ARHGAP15: variants seen among roughly 807,000 people sequenced by gnomAD.
ARHGAP15 encodes the protein Rho GTPase activating protein 15.
ARHGAP15 carries 51 observed loss-of-function variants against 63.7 expected under a neutral mutation model. The observed-to-expected ratio is 0.80, with a 90% confidence interval of 0.64 to 1.01. The LOEUF (loss-of-function observed/expected upper bound fraction) is 1.01, where lower values mean the gene tolerates loss of function less well. Among genes scored for constraint, ARHGAP15 ranks in the 50% least tolerant of loss-of-function variants. The probability of loss-of-function intolerance (pLI) is 0.00; values close to 1 mark genes in which losing one functional copy is unlikely to be tolerated. For missense variants in ARHGAP15, 560 were observed against 564.6 expected (o/e 0.99, Z 0.08); for synonymous variants, 191 against 193.8 (o/e 0.99, Z 0.12).
intron 8 of ARHGAP15, among the ~76,000 whole-genome samples, chr2:143,477,485 A>T (rs1462931213): frequency 1.3e-5 from 2 of 152,148 alleles, no homozygotes; most frequent in Non-Finnish European, 2.9e-5. Context: ...TGTATTATAC[A>T]TTAGACATTG....
intron 6 of ARHGAP15, among the ~76,000 whole-genome samples, chr2:143,359,299 T>C (rs1164566244): frequency 6.6e-6 from 1 of 152,178 alleles, no homozygotes; most frequent in African/African-American, 2.4e-5. Flanking sequence ...TTACTCCATC[T>C]TGCAACATCT....
intron 5 of ARHGAP15, among the ~76,000 whole-genome samples, chr2:143,240,786 T>C (rs1693833285): frequency 1.3e-5 from 2 of 152,246 alleles, no homozygotes; most frequent in Admixed American, 6.5e-5. Flanking sequence ...TTCAGTGTTT[T>C]ATTAATGTAA....
chr2:143,393,646 C>G (rs1250006822), intron 6 of ARHGAP15, among the ~76,000 whole-genome samples: 1 of 140,704 alleles, frequency 7.1e-6, no homozygotes, highest in Non-Finnish European at 1.5e-5. Flanking sequence ...AGGAGAATGG[C>G]TTGAAGCTTG....
intron 8 of ARHGAP15, among the ~76,000 whole-genome samples, chr2:143,473,690 T>G (rs35981015): frequency 0.19 from 29,373 of 152,174 alleles, 3,453 homozygotes; most frequent in East Asian, 0.48. Flanking sequence ...ATTTTGAGTT[T>G]GCTTAATGTT....
intron 11 of ARHGAP15, among the ~76,000 whole-genome samples, chr2:143,605,218 A>G (rs976294573): frequency 1.3e-5 from 2 of 152,108 alleles, no homozygotes; most frequent in East Asian, 1.9e-4. Context: ...GCTTGTTTTC[A>G]CCTATATTTT....
chr2:143,767,802 C>T (rs926462555), intron 13 of ARHGAP15, among the ~76,000 whole-genome samples, 187 bp from the exon 14 acceptor site: 8 of 152,100 alleles, frequency 5.3e-5, no homozygotes, highest in African/African-American at 1.9e-4. Flanking sequence ...TTGGACAAGG[C>T]AATGTATCCT....
chr2:143,451,134 A>G (rs934153780), intron 8 of ARHGAP15, among the ~76,000 whole-genome samples: 3 of 151,904 alleles, frequency 2.0e-5, no homozygotes, highest in Non-Finnish European at 4.4e-5. Context: ...ACGAAAATGC[A>G]TATTAATTCA....
At chr2:143,401,793 A>G (rs923230634) in intron 6 of ARHGAP15, among the ~76,000 whole-genome samples, 2 of 151,852 alleles carry the variant, frequency 1.3e-5, no homozygotes, top group African/African-American at 2.4e-5. Context: ...GCTTTTTCCT[A>G]TCGGTGGTGT....
At chr2:143,761,595 T>C (rs901116284) in intron 13 of ARHGAP15, among the ~76,000 whole-genome samples, 1 of 152,194 alleles carries the variant, frequency 6.6e-6, no homozygotes, top group African/African-American at 2.4e-5. Context: ...CATTAATTTT[T>C]GGTTGTATAT....
chr2:143,709,461 T>C (rs968171219), intron 13 of ARHGAP15, among the ~76,000 whole-genome samples: 5 of 152,226 alleles, frequency 3.3e-5, no homozygotes, highest in African/African-American at 1.2e-4. Flanking sequence ...AGACTTGCAC[T>C]TTGTAAAATA....
intron 6 of ARHGAP15, among the ~76,000 whole-genome samples, chr2:143,281,000 C>T (rs1681817791): frequency 6.6e-6 from 1 of 152,050 alleles, no homozygotes; most frequent in African/African-American, 2.4e-5. Context: ...AGCAGTAGAG[C>T]CATGTTTTAC....
chr2:143,455,061 G>T (rs899485501), intron 8 of ARHGAP15, among the ~76,000 whole-genome samples: 1 of 151,976 alleles, frequency 6.6e-6, no homozygotes, highest in Non-Finnish European at 1.5e-5. Flanking sequence ...AATCTGAGGT[G>T]AGTCCACAGA....
At chr2:143,504,441 C>A (rs1693210393) in intron 9 of ARHGAP15, among the ~76,000 whole-genome samples, 1 of 152,170 alleles carries the variant, frequency 6.6e-6, no homozygotes, top group Admixed American at 6.5e-5. Context: ...CAAAACTTGG[C>A]TCCACTAGAA....
chr2:143,226,566 A>C (rs1693221728), intron 4 of ARHGAP15, among the ~76,000 whole-genome samples: 1 of 152,202 alleles, frequency 6.6e-6, no homozygotes, highest in Admixed American at 6.5e-5. Context: ...AATGAAGAGA[A>C]GGCTATTGCT....
chr2:143,614,644 A>G (rs1038743097), intron 11 of ARHGAP15, among the ~76,000 whole-genome samples: 1 of 152,208 alleles, frequency 6.6e-6, no homozygotes, highest in African/African-American at 2.4e-5. Flanking sequence ...AAATGAGTGC[A>G]TCAGTCACTG....
intron 11 of ARHGAP15, among the ~76,000 whole-genome samples, chr2:143,584,638 A>G (rs1241021936): frequency 1.3e-5 from 2 of 152,090 alleles, no homozygotes; most frequent in African/African-American, 4.8e-5. Context: ...AACAACAACA[A>G]CAACAACAAC....
chr2:143,429,007 A>G (rs1445793697), intron 6 of ARHGAP15, among the ~76,000 whole-genome samples: 1 of 152,168 alleles, frequency 6.6e-6, no homozygotes, highest in East Asian at 1.9e-4. Context: ...GTCTAAGTTG[A>G]TATCTTTATA....
At chr2:143,570,717 C>T (rs550317664) in intron 11 of ARHGAP15, among the ~76,000 whole-genome samples, 25 of 152,174 alleles carry the variant, frequency 1.6e-4, no homozygotes, top group African/African-American at 5.3e-4. Flanking sequence ...TTATTGTCTT[C>T]GTTTTTCAAA....
chr2:143,249,620 A>C (rs1680041580), intron 5 of ARHGAP15, among the ~76,000 whole-genome samples: 1 of 152,146 alleles, frequency 6.6e-6, no homozygotes, highest in African/African-American at 2.4e-5. Context: ...AATAGTAAAG[A>C]AATTCTCAAC....
Sources: allele counts gnomAD v4.1 joint callset (sites outside exome capture counted in the v4.1 genomes callset), GRCh38; gene constraint gnomAD v4.1.1; transcripts MANE v1.5; gene names NCBI Gene and HGNC (gene_info 2026-07-23, HGNC 2026-07-21).